Variants in OTULIN observed in about 807,000 individuals in gnomAD.
OTULIN encodes OTU deubiquitinase with linear linkage specificity.
Under a neutral mutation model 39.6 loss-of-function variants are expected in OTULIN, and 15 were observed. The observed-to-expected ratio is 0.38, with a 90% confidence interval of 0.25 to 0.58. OTULIN has a LOEUF of 0.58. Among genes scored for constraint, OTULIN ranks in the 20% least tolerant of loss-of-function variants. OTULIN has a pLI of 0.66. For missense variants in OTULIN, 319 were observed against 445.9 expected (o/e 0.72, Z 2.56); for synonymous variants, 156 against 170.3 (o/e 0.92, Z 0.65).
chr5:14,712,866 T>C, the OTULIN span: 1 of 1,602,930 alleles, frequency 6.2e-7, no homozygotes, highest in Non-Finnish European at 8.5e-7. Flanking sequence ...CCGGCGCGGC[T>C]GTCTCACCTG....
intron 2 of OTULIN, among the ~76,000 whole-genome samples, chr5:14,677,794 GA>G (rs1736143429): frequency 6.6e-6 from 1 of 152,150 alleles, no homozygotes; most frequent in South Asian, 2.1e-4. Flanking sequence ...AATACATTAA[GA>G]TAATTAAATG....
At position 14,673,907 on chromosome 5, in the gene OTULIN, TTC is replaced by T. The variant is rs1279844415; in HGVS notation, c.229+195_229+196del. 1.1e-5 allele frequency: 5 copies of T among 436,024 alleles called. No individual in the cohort carries two copies. In the Admixed American group the frequency reaches 1.6e-4, roughly 14 times the overall value. 27.0% of individuals were successfully genotyped at this position (436,024 alleles called of 1,614,324 possible). On this transcript the variant is annotated intron_variant, in intron 2 of 6. Transcript: ENST00000284274. ...AGGCTTTTAAATTTTAATGCAAACA[TTC>T]TCTCTGCATTCTTTACATTCATATC...
chr5:14,711,379 G>A, the OTULIN span: 1 of 1,371,790 alleles, frequency 7.3e-7, no homozygotes, highest in Non-Finnish European at 1.0e-6. Flanking sequence ...CCACGAGCAG[G>A]GAGACAACAC....
the OTULIN span, chr5:14,708,761 C>T: frequency 6.6e-6 from 1 of 152,184 alleles, no homozygotes; most frequent in Non-Finnish European, 1.5e-5. Flanking sequence ...GGCATTGCTT[C>T]CTGTGTTCTC....
At chr5:14,689,909 C>G in intron 5 of OTULIN, 130 bp from the exon 6 acceptor site, 1 of 906,356 alleles carries the variant, frequency 1.1e-6, no homozygotes, top group Non-Finnish European at 1.7e-6. Context: ...ATCTGGAAAC[C>G]TGAATGTTGT....
chr5:14,715,281 G>A, the OTULIN span, among the ~76,000 whole-genome samples: 3 of 152,174 alleles, frequency 2.0e-5, no homozygotes, highest in Non-Finnish European at 2.9e-5. Context: ...ACAGGCATGC[G>A]CCACCACGCC....
At chr5:14,674,439 A>G (rs1398964072) in intron 2 of OTULIN, among the ~76,000 whole-genome samples, 2 of 152,234 alleles carry the variant, frequency 1.3e-5, no homozygotes, top group African/African-American at 4.8e-5. Context: ...GGAGACTTCA[A>G]AACGGTTGTG....
intron 1 of OTULIN, among the ~76,000 whole-genome samples, chr5:14,667,886 C>T (rs1560990207): frequency 6.6e-6 from 1 of 152,206 alleles, no homozygotes; most frequent in Non-Finnish European, 1.5e-5. Flanking sequence ...CTCTGCTGCT[C>T]TCCTATGCTC....
intron 3 of OTULIN, 83 bp from the exon 4 acceptor site, chr5:14,681,381 A>G: frequency 2.7e-6 from 4 of 1,502,766 alleles, no homozygotes; most frequent in Non-Finnish European, 3.6e-6. Context: ...ATCCCAGGCC[A>G]AGCTTTTTCC....
downstream of OTULIN, among the ~76,000 whole-genome samples, chr5:14,703,324 CAAAAAAAAAAA>C (rs59779015): frequency 8.2e-5 from 10 of 122,118 alleles, no homozygotes; most frequent in African/African-American, 3.2e-4. Flanking sequence ...TTAATAGTGT[CAAAAAAAAAAA>C]AAAAAAAAAA....
intron 1 of OTULIN, among the ~76,000 whole-genome samples, chr5:14,671,027 A>G (rs550060652): frequency 3.3e-5 from 5 of 152,164 alleles, no homozygotes; most frequent in African/African-American, 1.2e-4. Flanking sequence ...CTTTTTTCAT[A>G]TATCCTGAAT....
intron 6 of OTULIN, among the ~76,000 whole-genome samples, chr5:14,691,704 A>G (rs1736532322): frequency 6.6e-6 from 1 of 151,880 alleles, no homozygotes; most frequent in Non-Finnish European, 1.5e-5. Flanking sequence ...GTCTAATTTT[A>G]GAGCATTTTG....
the OTULIN span, chr5:14,711,207 T>G: frequency 6.2e-7 from 1 of 1,613,956 alleles, no homozygotes; most frequent in Non-Finnish European, 8.5e-7. Context: ...TTATTCATTC[T>G]CCTCTCTCAT....
rs1169369060 is a variant in OTULIN at position 14,678,746 on chromosome 5, A to C, written c.295A>C (p.Asn99His). The C allele has an allele frequency of 6.2e-7, 1 of 1,610,104 alleles. No homozygotes were observed. The highest frequency in any genetic ancestry group is 8.5e-7 in the Non-Finnish European group (1 of 1,178,588). Residue 99 changes from asparagine (N) to histidine (H), a missense_variant, in exon 3 of 7, where the codon AAT becomes CAT. Physicochemically the swap from Asn to His is moderately conservative, Grantham distance 68 (BLOSUM62 1). Transcript: ENST00000284274. ...MDYCKKEWRG[N>H]TQKATCMKMG... The stretch of plus-strand genomic sequence containing the variant: ...CTACTGCAAAAAAGAATGGAGAGGA[A>C]ATACACAGAAAGCAACGTGTATGAA...
At chr5:14,689,718 CAT>C (rs770891953) in intron 5 of OTULIN, among the ~76,000 whole-genome samples, 19 of 152,192 alleles carry the variant, frequency 1.2e-4, no homozygotes, top group Non-Finnish European at 2.8e-4. Flanking sequence ...GCTTCACACA[CAT>C]GTGTTAGCTC....
rs576377427 is a variant in OTULIN, at chr5:14,694,984, C to T, written c.*1936C>T. ...AGTAGAGATCTGTGCCCTTCAGGTA[C>T]ATTGAATCTGACCATCAGTTTATAT... On this transcript the variant is annotated 3_prime_UTR_variant, in exon 7 of 7. Transcript: ENST00000284274. 2.6e-5 allele frequency: 4 copies of T among 152,280 alleles called. No individual in the cohort carries two copies. The South Asian group carries it at 6.2e-4, about 24-fold the overall frequency. 9.4% of individuals were successfully genotyped at this position (152,280 alleles called of 1,614,324 possible). A position where few individuals can be genotyped will look rare whatever the true frequency, so the allele number is the denominator to read the frequency against.
intron 4 of OTULIN, among the ~76,000 whole-genome samples, chr5:14,686,948 A>T (rs138418582): frequency 2.0e-5 from 3 of 152,256 alleles, no homozygotes; most frequent in African/African-American, 4.8e-5. Context: ...GATCGATTAG[A>T]TAGTTAAACT....
At chr5:14,692,081 A>T (rs1006514038) in intron 6 of OTULIN, among the ~76,000 whole-genome samples, 1 of 152,172 alleles carries the variant, frequency 6.6e-6, no homozygotes, top group Admixed American at 6.5e-5. Context: ...TTATGTGAAC[A>T]TATGTTTGTA....
At chr5:14,711,652 TTCC>T in the OTULIN span, among the ~76,000 whole-genome samples, 9 of 152,320 alleles carry the variant, frequency 5.9e-5, no homozygotes, top group East Asian at 1.5e-3. Context: ...CTGCTTCTCC[TTCC>T]TCCTCCCTAA....
Sources: gnomAD v4.1 joint callset for allele counts (sites outside exome capture counted in the v4.1 genomes callset) on GRCh38, gnomAD v4.1.1 for gene constraint, MANE v1.5 for transcripts, NCBI Gene and HGNC (gene_info 2026-07-23, HGNC 2026-07-21) for gene names.